ATXN2: variants seen among roughly 807,000 people sequenced by gnomAD.
ATXN2 encodes the protein ataxin-2.
A neutral mutation model predicts 138.6 loss-of-function variants in ATXN2; 37 were observed. The observed-to-expected ratio is 0.27, with a 90% CI of 0.21 to 0.35. The LOEUF (loss-of-function observed/expected upper bound fraction) is 0.35, where lower values mean the gene tolerates loss of function less well. Among genes scored for constraint, ATXN2 ranks in the 10% least tolerant of loss-of-function variants. ATXN2 has a pLI of 1.00. For synonymous variants in ATXN2, 549 were observed against 543.7 expected, an observed-to-expected ratio of 1.01 and a Z score of -0.13; for missense variants, 1,216 against 1,480.3, an observed-to-expected ratio of 0.82 and a Z score of 2.93.
intron 1 of ATXN2, among the ~76,000 whole-genome samples, chr12:111,582,660 T>TTTTG (rs371399749): frequency 3.0e-4 from 46 of 152,218 alleles, no homozygotes; most frequent in East Asian, 1.7e-3. Context: ...ATCTCAGTTT[T>TTTTG]TTTGTTTGTT....
At position 111,452,673 on chromosome 12, in the gene ATXN2, T is replaced by C; in HGVS notation, c.*139A>G. On this transcript the variant is annotated 3_prime_UTR_variant, in exon 25 of 25. Coordinates refer to ENST00000673436, the MANE Select transcript of ATXN2 (RefSeq NM_001372574.1). ...TTCCACTGCAAGTGAACTGTTAGCA[T>C]TCCTATTGGATGTTACAAGAAATCA... is the stretch of plus-strand genomic sequence containing the variant. 3 of 1,005,726 alleles carry C rather than the reference T, an allele frequency of 3.0e-6. No homozygotes were observed. In the Admixed American group the frequency reaches 5.8e-5, roughly 19 times the overall value. The allele number at this position is 1,005,726 out of a possible 1,614,324, so 62.3% of individuals were successfully genotyped here.
intron 2 of ATXN2, among the ~76,000 whole-genome samples, chr12:111,554,820 AAGAAG>A (rs1004613308): frequency 6.6e-6 from 1 of 152,186 alleles, no homozygotes; most frequent in Non-Finnish European, 1.5e-5. Flanking sequence ...AATGTACCCT[AAGAAG>A]GGTGAAGTAT....
intron 1 of ATXN2, among the ~76,000 whole-genome samples, chr12:111,580,513 G>T (rs535850137): frequency 1.0e-3 from 108 of 105,852 alleles, no homozygotes; most frequent in South Asian, 3.0e-3. Flanking sequence ...CTCCAAAAAA[G>T]AAAAAAAAAA....
chr12:111,596,671 C>T lies in ATXN2; in HGVS notation c.251+2113G>A, dbSNP rs191566223. Among the ~76,000 whole-genome samples, 538 of 152,308 alleles carry T rather than the reference C, an allele frequency of 3.5e-3. 13 individuals are homozygous for T. Among genetic ancestry groups the T allele is most frequent in the Admixed American group, 0.033 (504 of 15,284 alleles). ...AACTTCACATTACACAAATCCAACA[C>T]AGTAAACAAAATTTCACCTATTCAT... On this transcript the variant is annotated intron_variant, in intron 1 of 24. Transcript: ENST00000673436.
At chr12:111,575,483 GA>G (rs1283217109) in intron 1 of ATXN2, among the ~76,000 whole-genome samples, 1 of 151,970 alleles carries the variant, frequency 6.6e-6, no homozygotes, top group Non-Finnish European at 1.5e-5. Flanking sequence ...CCATTCTTCT[GA>G]TTTTGTTTTC....
chr12:111,547,687 T>C (rs1881877300), intron 5 of ATXN2, among the ~76,000 whole-genome samples: 1 of 150,126 alleles, frequency 6.7e-6, no homozygotes, highest in Non-Finnish European at 1.5e-5. Flanking sequence ...ATTGCACCAT[T>C]GCACTCCAGC....
intron 14 of ATXN2, among the ~76,000 whole-genome samples, chr12:111,495,741 C>T (rs77465633): frequency 6.6e-6 from 1 of 152,000 alleles, no homozygotes; most frequent in African/African-American, 2.4e-5. Flanking sequence ...CCAAATAGGC[C>T]CAATACATAT....
At chr12:111,536,506 G>C (rs979112341) in intron 5 of ATXN2, among the ~76,000 whole-genome samples, 4 of 152,134 alleles carry the variant, frequency 2.6e-5, no homozygotes, top group Non-Finnish European at 5.9e-5. Flanking sequence ...TAGTAGGATT[G>C]TAAAATGATA....
chr12:111,489,152 G>T (rs182863731), intron 14 of ATXN2, among the ~76,000 whole-genome samples: 2 of 151,514 alleles, frequency 1.3e-5, no homozygotes, highest in Non-Finnish European at 2.9e-5. Context: ...AGAGTCTATA[G>T]AAAAAGCAAC....
At chr12:111,472,184 T>C (rs768778321) in intron 18 of ATXN2, among the ~76,000 whole-genome samples, 2 of 152,080 alleles carry the variant, frequency 1.3e-5, no homozygotes, top group Non-Finnish European at 2.9e-5. Context: ...GGAGGAACTT[T>C]TCAGCCAGGG....
rs1880200567 is a variant in ATXN2 at position 111,522,235 on chromosome 12, A to G, written c.697-1262T>C. On this transcript the variant is annotated intron_variant, in intron 6 of 24. Transcript: ENST00000673436. ...AGTAATGTATGCCCTACATAAAAAA[A>G]AAAAAAAAAAAGCACACAATACGGA... is the stretch of plus-strand genomic sequence containing the variant. 2.6e-5 allele frequency among the ~76,000 whole-genome samples: 4 copies of G among 152,140 alleles called. No homozygotes were observed. The South Asian group carries it at 8.3e-4, about 32-fold the overall frequency.
chr12:111,573,480 G>C (rs558275992), intron 1 of ATXN2, among the ~76,000 whole-genome samples: 1 of 152,274 alleles, frequency 6.6e-6, no homozygotes, highest in South Asian at 2.1e-4. Flanking sequence ...ACAGGCATAA[G>C]CGACTGCTCC....
At chr12:111,597,793 T>C (rs1232591752) in intron 1 of ATXN2, 2 of 1,165,450 alleles carry the variant, frequency 1.7e-6, no homozygotes, top group African/African-American at 1.6e-5. Flanking sequence ...CTGCAATCTC[T>C]CTCTCCTAGC....
Position 111,538,647 on chromosome 12 carries a change from C to G in ATXN2, c.572-13331G>C, listed in dbSNP as rs536646053. 2.9e-4 allele frequency among the ~76,000 whole-genome samples: 44 copies of G among 150,196 alleles called. 8 individuals are homozygous for G. The highest frequency in any genetic ancestry group is 3.4e-3 in the Middle Eastern group (1 of 294). ...AGATTACAGGAATGAGCCACTGTAC[C>G]CAGCCAGTAATTTTATGTTTTTAAA... On this transcript the variant is annotated intron_variant, in intron 5 of 24. Transcript: ENST00000673436.
At chr12:111,456,332 G>C in intron 22 of ATXN2, 76 bp from the exon 23 acceptor site, 1 of 1,490,004 alleles carries the variant, frequency 6.7e-7, no homozygotes, top group Non-Finnish European at 9.3e-7. Flanking sequence ...ACAAAGCTAA[G>C]CTTTGCACAC....
intron 5 of ATXN2, among the ~76,000 whole-genome samples, chr12:111,547,741 G>GA (rs1479273362): frequency 3.9e-5 from 1 of 25,714 alleles, no homozygotes; most frequent in African/African-American, 1.6e-4. Context: ...AAACAAAAAA[G>GA]AAAAAAAAGG....
intron 5 of ATXN2, among the ~76,000 whole-genome samples, chr12:111,548,942 C>T (rs1387754529): frequency 2.0e-5 from 3 of 152,032 alleles, no homozygotes; most frequent in Non-Finnish European, 4.4e-5. Context: ...AGGCTGGTCT[C>T]GAACTCCTGA....
In ATXN2 at chr12:111,598,949, G is replaced by GGCTGCTGCT. The variant is rs10560189; in HGVS notation, c.77_85dup (p.Gln26_Gln28dup). The GGCTGCTGCT allele has an allele frequency of 3.1e-5, 44 of 1,411,980 alleles. No individual in the cohort carries two copies. The highest frequency in any genetic ancestry group is 2.5e-4 in the Middle Eastern group (1 of 4,040). The allele number at this position is 1,411,980 out of a possible 1,614,324, so 87.5% of individuals were successfully genotyped here. On this transcript the variant is annotated inframe_insertion, in exon 1 of 25. Coordinates refer to ENST00000673436, the MANE Select transcript of ATXN2 (RefSeq NM_001372574.1). The surrounding 1 kb of genome is among the most constrained non-coding windows in gnomAD (Gnocchi z 4.5). ...GCGGACATTGGCAGCCGCGGGCGGC[G>GGCTGCTGCT]GCTGCTGCTGCTGCTGCTGCTGCTG...
At chr12:111,521,723 T>C (rs973832289) in intron 6 of ATXN2, among the ~76,000 whole-genome samples, 3 of 152,164 alleles carry the variant, frequency 2.0e-5, no homozygotes, top group African/African-American at 4.8e-5. Flanking sequence ...GAGGAAACTA[T>C]AGGAAATTAC....
Sources: gnomAD v4.1 joint callset for allele counts (sites outside exome capture counted in the v4.1 genomes callset) on GRCh38, gnomAD v4.1.1 for gene constraint, Gnocchi (gnomAD v3.1) non-coding constraint, MANE v1.5 for transcripts, NCBI Gene and HGNC (gene_info 2026-07-23, HGNC 2026-07-21) for gene names.